Variants in EPM2AIP1 observed in about 807,000 individuals in gnomAD.
EPM2AIP1 encodes EPM2A-interacting protein 1.
In EPM2AIP1, 23 loss-of-function variants were observed where a neutral mutation model predicts 44.8. The ratio of observed to expected loss-of-function variants is 0.51; its 90% CI spans 0.37 to 0.73. The LOEUF (loss-of-function observed/expected upper bound fraction) is 0.73. Ranked by LOEUF, EPM2AIP1 falls within the 30% of genes least tolerant of loss-of-function variation. The pLI is 0.00. For missense variants in EPM2AIP1, 652 were observed against 743.9 expected, an observed-to-expected ratio of 0.88 and a Z score of 1.44; for synonymous variants, 311 against 284.3, an observed-to-expected ratio of 1.09 and a Z score of -0.94.
rs1381105020 is a variant in EPM2AIP1, at chr3:36,987,399, T to C, written c.*3855A>G. The C allele has an allele frequency of 1.3e-5, 2 of 149,516 alleles. No homozygotes were observed. The highest frequency in any genetic ancestry group is 3.0e-5 in the Non-Finnish European group (2 of 67,414). 9.3% of individuals were successfully genotyped at this position (149,516 alleles called of 1,614,324 possible). On this transcript the variant is annotated 3_prime_UTR_variant, in exon 1 of 1. Coordinates refer to ENST00000322716, the MANE Select transcript of EPM2AIP1 (RefSeq NM_014805.4). ...TTCACTAAGTAGTTGTCTAATCTTT[T>C]CCCTCTATATGTAGGTTCCTTTGGA...
chr3:36,992,658 C>G lies in EPM2AIP1; in HGVS notation c.420G>C (p.Leu140=), dbSNP rs750720741. ...TATCTGGAGATAAGTCAACGCCTTGCAGGACGCTTACATGCTCGGGCAGTA... is the reference window on the plus strand; with the variant it reads ...TATCTGGAGATAAGTCAACGCCTTGGAGGACGCTTACATGCTCGGGCAGTA... The part of the protein sequence containing the change: ...REVLPEHVSV[L]QGVDLSPDIT... Residue 140 remains leucine, a synonymous_variant, in exon 1 of 1, where the codon CTG becomes CTC. Coordinates refer to ENST00000322716, the MANE Select transcript of EPM2AIP1 (RefSeq NM_014805.4). The surrounding 1 kb of genome is among the most constrained non-coding windows in gnomAD (Gnocchi z 5.3). 3.0e-5 allele frequency: 48 copies of G among 1,614,018 alleles called. No homozygotes were observed. The highest frequency in any genetic ancestry group is 4.1e-5 in the Non-Finnish European group (48 of 1,179,900).
rs1412807687 is a variant in EPM2AIP1, at chr3:36,988,682, GTCA to G, written c.*2569_*2571del. 6.6e-6 allele frequency: 1 copy of G among 152,140 alleles called. No individual in the cohort carries two copies. The highest frequency in any genetic ancestry group is 1.9e-4 in the East Asian group (1 of 5,192). 9.4% of individuals were successfully genotyped at this position (152,140 alleles called of 1,614,324 possible). On this transcript the variant is annotated 3_prime_UTR_variant, in exon 1 of 1. Coordinates refer to ENST00000322716, the MANE Select transcript of EPM2AIP1 (RefSeq NM_014805.4). ...GAGATGGTATCTCCTCAAAGCTAAA[GTCA>G]TCAAGTGTTCAAGTGTTTCAAGGAG...
chr3:36,993,085 G>A lies in EPM2AIP1; in HGVS notation c.-8C>T, dbSNP rs775947327. The A allele has an allele frequency of 3.4e-5, 54 of 1,593,462 alleles. No homozygotes were observed. The South Asian group carries it at 5.4e-4, about 16-fold the overall frequency. ...TTTGGGCGTCATCCACATTCTGCGG[G>A]AGGCCACAAGAGCAGGGCCAACGTT... On this transcript the variant is annotated 5_prime_UTR_variant, in exon 1 of 1. Transcript: ENST00000322716.
At position 36,990,727 on chromosome 3, in the gene EPM2AIP1, T is replaced by C; in HGVS notation, c.*527A>G. ...TCAGTATTACCTTCGAACTCAGAAATGTTTAAAAAAAAGTCTCAAACATTT... is the reference window on the plus strand; with the variant it reads ...TCAGTATTACCTTCGAACTCAGAAACGTTTAAAAAAAAGTCTCAAACATTT... On this transcript the variant is annotated 3_prime_UTR_variant, in exon 1 of 1. Transcript: ENST00000322716. 1.0e-6 allele frequency: 1 copy of C among 985,690 alleles called. No homozygotes were observed. The highest frequency in any genetic ancestry group is 1.2e-6 in the Non-Finnish European group (1 of 829,896). 61.1% of individuals were successfully genotyped at this position (985,690 alleles called of 1,614,324 possible).
Position 36,990,826 on chromosome 3 carries a change from GCTT to G in EPM2AIP1, c.*425_*427del, listed in dbSNP as rs1459012168. On this transcript the variant is annotated 3_prime_UTR_variant, in exon 1 of 1. Transcript: ENST00000322716. ...GGAAACTTATGAACTTGCTATGTGA[GCTT>G]CTGCAAATTGGTTCAAAAGCACATT... is the stretch of plus-strand genomic sequence containing the variant. 1 of 986,240 alleles carries G rather than the reference GCTT, an allele frequency of 1.0e-6. No individual in the cohort carries two copies. Among genetic ancestry groups the G allele is most frequent in the East Asian group, 1.1e-4 (1 of 8,868 alleles). The allele number at this position is 986,240 out of a possible 1,614,324, so 61.1% of individuals were successfully genotyped here.
rs1204961956 is a variant in EPM2AIP1 at position 36,987,496 on chromosome 3, C to A, written c.*3758G>T. ...ACAAAGGGTAAAAAAAAATAAGATT[C>A]TATACATGGATATGCAAACTTAATA... On this transcript the variant is annotated 3_prime_UTR_variant, in exon 1 of 1. Coordinates refer to ENST00000322716, the MANE Select transcript of EPM2AIP1 (RefSeq NM_014805.4). 1 of 149,182 alleles carries A rather than the reference C, an allele frequency of 6.7e-6. No individual in the cohort carries two copies. Among genetic ancestry groups the A allele is most frequent in the African/African-American group, 2.5e-5 (1 of 40,650 alleles). 9.2% of individuals were successfully genotyped at this position (149,182 alleles called of 1,614,324 possible).
At position 36,988,832 on chromosome 3, in the gene EPM2AIP1, G is replaced by A. The variant is rs2080784124; in HGVS notation, c.*2422C>T. On this transcript the variant is annotated 3_prime_UTR_variant, in exon 1 of 1. Transcript: ENST00000322716. Reference sequence around the variant, plus strand: ...GAGCTATAGGACAGTAACTGGTAAGGACCTAATAATTTTTTTTTTAATGTA... The same window carrying A: ...GAGCTATAGGACAGTAACTGGTAAGAACCTAATAATTTTTTTTTTAATGTA... The A allele has an allele frequency of 6.6e-6, 1 of 151,148 alleles. No individual in the cohort carries two copies. Among genetic ancestry groups the A allele is most frequent in the Non-Finnish European group, 1.5e-5 (1 of 67,880 alleles). The allele number at this position is 151,148 out of a possible 1,614,324, so 9.4% of individuals were successfully genotyped here. A position where few individuals can be genotyped will look rare whatever the true frequency, so the allele number is the denominator to read the frequency against.
rs2080772634 is a variant in EPM2AIP1 at position 36,986,892 on chromosome 3, A to AT, written c.*4361_*4362insA. 6.6e-6 allele frequency: 1 copy of AT among 151,988 alleles called. No individual in the cohort carries two copies. Among genetic ancestry groups the AT allele is most frequent in the Non-Finnish European group, 1.5e-5 (1 of 68,004 alleles). 9.4% of individuals were successfully genotyped at this position (151,988 alleles called of 1,614,324 possible). ...ATGACTTAATATGCCTCAGACTAAAACTCCAACTAAGATTATACTAGTTAA... is the reference window on the plus strand; with the variant it reads ...ATGACTTAATATGCCTCAGACTAAAATCTCCAACTAAGATTATACTAGTTAA... On this transcript the variant is annotated 3_prime_UTR_variant, in exon 1 of 1. Coordinates refer to ENST00000322716, the MANE Select transcript of EPM2AIP1 (RefSeq NM_014805.4).
rs1012436745 is a variant in EPM2AIP1 at position 36,985,239 on chromosome 3, A to G, written c.*6015T>C. 2.6e-5 allele frequency: 4 copies of G among 152,210 alleles called. No homozygotes were observed. The highest frequency in any genetic ancestry group is 1.9e-4 in the East Asian group (1 of 5,188). 9.4% of individuals were successfully genotyped at this position (152,210 alleles called of 1,614,324 possible). ...GAACAAGACACGGAAGAGTGCATAT[A>G]ATTATTTCACTTACATAAAGTTTTA... On this transcript the variant is annotated 3_prime_UTR_variant, in exon 1 of 1. Transcript: ENST00000322716.
Position 36,990,670 on chromosome 3 carries a change from G to A in EPM2AIP1, c.*584C>T, listed in dbSNP as rs1015852185. 2 of 985,638 alleles carry A rather than the reference G, an allele frequency of 2.0e-6. No homozygotes were observed. The allele number at this position is 985,638 out of a possible 1,614,324, so 61.1% of individuals were successfully genotyped here. Reference sequence around the variant, plus strand: ...ATCAGTAATGTGTTATCACTGAGGTGGGTGATGGGGAGGGAAGAGGGAAGA... The same window carrying A: ...ATCAGTAATGTGTTATCACTGAGGTAGGTGATGGGGAGGGAAGAGGGAAGA... On this transcript the variant is annotated 3_prime_UTR_variant, in exon 1 of 1. Transcript: ENST00000322716.
In EPM2AIP1 at chr3:36,985,756, C is replaced by G. The variant is rs1419583081; in HGVS notation, c.*5498G>C. On this transcript the variant is annotated 3_prime_UTR_variant, in exon 1 of 1. Transcript: ENST00000322716. ...TTGGTGAACTTTCTCTGTAAAGGGC[C>G]ACAGAATAAGTATTTTAGGTTTTGT... The G allele has an allele frequency of 6.6e-6, 1 of 152,132 alleles. No individual in the cohort carries two copies. Among genetic ancestry groups the G allele is most frequent in the East Asian group, 1.9e-4 (1 of 5,204 alleles). The allele number at this position is 152,132 out of a possible 1,614,324, so 9.4% of individuals were successfully genotyped here.
chr3:36,991,565 C>A lies in EPM2AIP1; in HGVS notation c.1513G>T (p.Val505Leu). 1 of 1,613,660 alleles carries A rather than the reference C, an allele frequency of 6.2e-7. No individual in the cohort carries two copies. The highest frequency in any genetic ancestry group is 8.5e-7 in the Non-Finnish European group (1 of 1,179,726). ...KPEYAPISVR[V>L]ELTKLQANTN... ...TTTGCCTGAAGTTTTGTTAGCTCCA[C>A]CCTCACTGAAATAGGTGCATATTCA... The change falls in exon 1 of 1, where the codon GTG becomes TTG. Residue 505 changes from valine (V) to leucine (L), a missense_variant. Coordinates refer to ENST00000322716, the MANE Select transcript of EPM2AIP1 (RefSeq NM_014805.4).
chr3:36,992,813 C>T lies in EPM2AIP1; in HGVS notation c.265G>A (p.Ala89Thr). Residue 89 changes from alanine to threonine, a missense_variant, in exon 1 of 1, where the codon GCC becomes ACC. Physicochemically the swap from Ala to Thr is moderately conservative, Grantham distance 58. Transcript: ENST00000322716. The surrounding 1 kb of genome is among the most constrained non-coding windows in gnomAD (Gnocchi z 5.3). ...ERLRQGDLPV[A>T]SFTPEERAAR... ...GCTCTCTCTTCAGGAGTGAAGGAGG[C>T]CACGGGCAAGTCGCCCTGACGCAGA... The T allele has an allele frequency of 6.2e-7, 1 of 1,612,616 alleles. No individual in the cohort carries two copies. Among genetic ancestry groups the T allele is most frequent in the South Asian group, 1.1e-5 (1 of 91,084 alleles).
chr3:36,987,256 G>A lies in EPM2AIP1; in HGVS notation c.*3998C>T, dbSNP rs2125687208. 6.6e-6 allele frequency: 1 copy of A among 152,438 alleles called. No individual in the cohort carries two copies. The highest frequency in any genetic ancestry group is 1.9e-4 in the East Asian group (1 of 5,196). 9.4% of individuals were successfully genotyped at this position (152,438 alleles called of 1,614,324 possible). Reference sequence around the variant, plus strand: ...TGTAAAGGAAAGTAGCAAGTAAATAGCATGCCATTTTCTCCTAGTGTTGAT... The same window carrying A: ...TGTAAAGGAAAGTAGCAAGTAAATAACATGCCATTTTCTCCTAGTGTTGAT... On this transcript the variant is annotated 3_prime_UTR_variant, in exon 1 of 1. Transcript: ENST00000322716.
chr3:36,993,120 G>T lies in EPM2AIP1; in HGVS notation c.-43C>A, dbSNP rs2080853897. The T allele has an allele frequency of 6.4e-7, 1 of 1,557,820 alleles. No individual in the cohort carries two copies. The highest frequency in any genetic ancestry group is 1.4e-5 in the African/African-American group (1 of 73,210). ...GAGCAGGGCCAACGTTAGAAAGGCC[G>T]CAAGGGGAGAGGAGGAGCCTGAGAA... is the stretch of plus-strand genomic sequence containing the variant. On this transcript the variant is annotated 5_prime_UTR_variant, in exon 1 of 1. Coordinates refer to ENST00000322716, the MANE Select transcript of EPM2AIP1 (RefSeq NM_014805.4).
rs1225425281 is a variant in EPM2AIP1, at chr3:36,985,542, T to C, written c.*5712A>G. ...ATTTCTGGTTTTTCTCCCAGGTATA[T>C]GCAAGGATCACACTCCTCCTAGAAC... On this transcript the variant is annotated 3_prime_UTR_variant, in exon 1 of 1. Transcript: ENST00000322716. 4 of 152,246 alleles carry C rather than the reference T, an allele frequency of 2.6e-5. No individual in the cohort carries two copies. Among genetic ancestry groups the C allele is most frequent in the Non-Finnish European group, 5.9e-5 (4 of 68,046 alleles). The allele number at this position is 152,246 out of a possible 1,614,324, so 9.4% of individuals were successfully genotyped here.
rs2080783817 is a variant in EPM2AIP1, at chr3:36,988,769, A to G, written c.*2485T>C. 6.6e-6 allele frequency: 1 copy of G among 152,116 alleles called. No homozygotes were observed. The highest frequency in any genetic ancestry group is 6.5e-5 in the Admixed American group (1 of 15,268). 9.4% of individuals were successfully genotyped at this position (152,116 alleles called of 1,614,324 possible). On this transcript the variant is annotated 3_prime_UTR_variant, in exon 1 of 1. Coordinates refer to ENST00000322716, the MANE Select transcript of EPM2AIP1 (RefSeq NM_014805.4). ...AGCAATTTGAGTGGCAATACGGGACACTGGGAATACAAATCTGTCAAGAAA... is the reference window on the plus strand; with the variant it reads ...AGCAATTTGAGTGGCAATACGGGACGCTGGGAATACAAATCTGTCAAGAAA...
rs1275254343 is a variant in EPM2AIP1 at position 36,991,502 on chromosome 3, C to T, written c.1576G>A (p.Gly526Arg). 1.4e-5 allele frequency: 22 copies of T among 1,613,836 alleles called. No individual in the cohort carries two copies. Among genetic ancestry groups the T allele is most frequent in the Non-Finnish European group, 1.9e-5 (22 of 1,179,820 alleles). Reference protein sequence around the residue: ...LWNEYRIKDLGQFYAGLSAES... With the variant: ...LWNEYRIKDLRQFYAGLSAES... Reference sequence around the variant, plus strand: ...GCAGACAATCCAGCATAAAACTGCCCCAAGTCTTTGATTCTGTATTCATTC... The same window carrying T: ...GCAGACAATCCAGCATAAAACTGCCTCAAGTCTTTGATTCTGTATTCATTC... The change falls in exon 1 of 1, where the codon GGG becomes AGG. Residue 526 changes from glycine (G) to arginine (R), a missense_variant. Gly to Arg is a moderately radical substitution (Grantham distance 125). Transcript: ENST00000322716.
At position 36,988,920 on chromosome 3, in the gene EPM2AIP1, A is replaced by T. The variant is rs575880817; in HGVS notation, c.*2334T>A. The T allele has an allele frequency of 6.6e-6, 1 of 151,978 alleles. No homozygotes were observed. The highest frequency in any genetic ancestry group is 1.5e-5 in the Non-Finnish European group (1 of 67,966). 9.4% of individuals were successfully genotyped at this position (151,978 alleles called of 1,614,324 possible). ...TAACAACTATATTTATTTAAAAAAA[A>T]AAAGACTGCCATGCAGTTACAGAAT... is the stretch of plus-strand genomic sequence containing the variant. On this transcript the variant is annotated 3_prime_UTR_variant, in exon 1 of 1. Coordinates refer to ENST00000322716, the MANE Select transcript of EPM2AIP1 (RefSeq NM_014805.4).
Sources: allele counts gnomAD v4.1 joint callset, GRCh38; gene constraint gnomAD v4.1.1; non-coding constraint Gnocchi (gnomAD v3.1); transcripts MANE v1.5; gene names NCBI Gene and HGNC (gene_info 2026-07-23, HGNC 2026-07-21).